The following ERC2 variants were observed in gnomAD, a reference collection of about 807,000 sequenced individuals.
ERC2 encodes the protein ERC protein 2.
Under a neutral mutation model 114.8 loss-of-function variants are expected in ERC2, and 42 were observed. The ratio of observed to expected loss-of-function variants is 0.37; its 90% CI spans 0.29 to 0.47. The LOEUF (loss-of-function observed/expected upper bound fraction) is 0.47, where lower values mean the gene tolerates loss of function less well. Ranked by LOEUF, ERC2 falls within the 20% of genes least tolerant of loss-of-function variation. ERC2 has a pLI of 0.99. For synonymous variants in ERC2, 454 were observed against 425.5 expected, an observed-to-expected ratio of 1.07 and a Z score of -0.82; for missense variants, 939 against 1,150.7, an observed-to-expected ratio of 0.82 and a Z score of 2.66.
At chr3:56,392,155 T>C (rs1187713912) in intron 2 of ERC2, among the ~76,000 whole-genome samples, 2 of 152,242 alleles carry the variant, frequency 1.3e-5, no homozygotes, top group Admixed American at 1.3e-4. Context: ...ATGTTTCAAA[T>C]ATCAAAATTA....
At chr3:55,595,610 T>C (rs184640443) in intron 17 of ERC2, among the ~76,000 whole-genome samples, 196 of 152,334 alleles carry the variant, frequency 1.3e-3, no homozygotes, top group African/African-American at 4.5e-3. Flanking sequence ...TCTGTTATGA[T>C]GAAAGCCGGA....
chr3:56,151,587 A>G (rs2081413428), intron 4 of ERC2, among the ~76,000 whole-genome samples: 1 of 152,218 alleles, frequency 6.6e-6, no homozygotes, highest in Non-Finnish European at 1.5e-5. Context: ...TGAAAATAAA[A>G]AGCAAGTAAA....
intron 2 of ERC2, among the ~76,000 whole-genome samples, chr3:56,415,570 C>T (rs749436557): frequency 6.6e-5 from 10 of 152,190 alleles, no homozygotes; most frequent in Non-Finnish European, 1.5e-4. Flanking sequence ...CAGGTAAAAC[C>T]TTTTCTTGGA....
At chr3:56,086,343 C>G (rs2077500864) in intron 6 of ERC2, among the ~76,000 whole-genome samples, 1 of 152,018 alleles carries the variant, frequency 6.6e-6, no homozygotes, top group Non-Finnish European at 1.5e-5. Context: ...CAGGAGGGAG[C>G]CTGTGCCAGC....
chr3:56,108,473 A>C (rs2078787357), intron 6 of ERC2, among the ~76,000 whole-genome samples: 1 of 152,154 alleles, frequency 6.6e-6, no homozygotes, highest in African/African-American at 2.4e-5. Flanking sequence ...ATCTTAGGAA[A>C]AAATAATGAT....
chr3:55,696,615 G>A (rs905505656), intron 16 of ERC2, among the ~76,000 whole-genome samples: 1 of 152,186 alleles, frequency 6.6e-6, no homozygotes, highest in African/African-American at 2.4e-5. Context: ...TGTAGGGTTT[G>A]TAATCAATTG....
intron 3 of ERC2, among the ~76,000 whole-genome samples, chr3:56,272,410 A>T (rs4585165): frequency 0.63 from 95,947 of 152,046 alleles, 32,214 homozygotes; most frequent in Non-Finnish European, 0.75. Flanking sequence ...CCATTTTCCC[A>T]TCCTTGGTGA....
chr3:55,880,593 A>T (rs1354105741), intron 14 of ERC2, among the ~76,000 whole-genome samples: 1 of 152,156 alleles, frequency 6.6e-6, no homozygotes, highest in South Asian at 2.1e-4. Context: ...ACTACAGGTA[A>T]CTCAGAAAGC....
At chr3:56,109,373 T>C (rs1324459745) in intron 6 of ERC2, among the ~76,000 whole-genome samples, 1 of 152,196 alleles carries the variant, frequency 6.6e-6, no homozygotes, top group East Asian at 1.9e-4. Context: ...TATGGCTGCA[T>C]AGTATTCCAT....
intron 14 of ERC2, chr3:55,852,631 G>T (rs191898781): frequency 1.3e-5 from 2 of 152,928 alleles, no homozygotes; most frequent in African/African-American, 4.8e-5. Context: ...TGAGGGTAAA[G>T]GTACATGGAT....
intron 13 of ERC2, among the ~76,000 whole-genome samples, chr3:55,937,974 A>G (rs756266681): frequency 2.0e-5 from 3 of 152,214 alleles, no homozygotes; most frequent in Non-Finnish European, 4.4e-5. Context: ...ACTTGGGTGG[A>G]AAAACTCAAG....
intron 15 of ERC2, among the ~76,000 whole-genome samples, chr3:55,732,412 AGCCCTTTGGACACT>A (rs1264400225): frequency 6.6e-6 from 1 of 152,172 alleles, no homozygotes; most frequent in East Asian, 1.9e-4. Flanking sequence ...TCTCCACAAC[AGCCCTTTGGACACT>A]GCCTTAGCAC....
chr3:56,152,744 T>C (rs2081490255), intron 4 of ERC2, among the ~76,000 whole-genome samples: 1 of 152,224 alleles, frequency 6.6e-6, no homozygotes, highest in Non-Finnish European at 1.5e-5. Flanking sequence ...TGAGTGTCTC[T>C]TTTCAATCAT....
intron 2 of ERC2, among the ~76,000 whole-genome samples, chr3:56,381,561 G>A (rs958765950): frequency 2.0e-5 from 3 of 152,018 alleles, no homozygotes; most frequent in Non-Finnish European, 4.4e-5. Flanking sequence ...AAAAAAATAT[G>A]TTAGCCAGTT....
chr3:56,378,706 A>G (rs774329729), intron 2 of ERC2, among the ~76,000 whole-genome samples: 12 of 152,196 alleles, frequency 7.9e-5, no homozygotes, highest in Non-Finnish European at 1.8e-4. Context: ...ATATGTCCCA[A>G]GTTTAGAATG....
chr3:56,053,863 A>G (rs1323568498), intron 7 of ERC2, among the ~76,000 whole-genome samples: 1 of 152,128 alleles, frequency 6.6e-6, no homozygotes, highest in Non-Finnish European at 1.5e-5. Context: ...CTCTTGAAGC[A>G]GTTTACATTT....
intron 17 of ERC2, among the ~76,000 whole-genome samples, chr3:55,530,719 A>C (rs1161038483): frequency 6.6e-6 from 1 of 152,174 alleles, no homozygotes; most frequent in Non-Finnish European, 1.5e-5. Context: ...AATCAGAAGG[A>C]AGAAATGGTT....
intron 17 of ERC2, among the ~76,000 whole-genome samples, chr3:55,674,291 G>A (rs2061688015): frequency 6.6e-6 from 1 of 152,164 alleles, no homozygotes; most frequent in Non-Finnish European, 1.5e-5. Flanking sequence ...TAGAGCCTGG[G>A]TACTGCCCAA....
intron 17 of ERC2, among the ~76,000 whole-genome samples, chr3:55,575,862 C>T (rs2056951472): frequency 6.6e-6 from 1 of 152,220 alleles, no homozygotes; most frequent in Admixed American, 6.5e-5. Flanking sequence ...TTAGACACAT[C>T]TGATTGCTTG....
Sources: allele counts gnomAD v4.1 joint callset (sites outside exome capture counted in the v4.1 genomes callset), GRCh38; gene constraint gnomAD v4.1.1; transcripts MANE v1.5; gene names NCBI Gene and HGNC (gene_info 2026-07-23, HGNC 2026-07-21).